The following LCLAT1 variants were observed in gnomAD, a reference collection of about 807,000 sequenced individuals.
The protein encoded by LCLAT1 is 1-AGP acyltransferase 8.
In LCLAT1, 11 loss-of-function variants were observed where a neutral mutation model predicts 30.7. The observed-to-expected ratio is 0.36, with a 90% CI of 0.23 to 0.59. The LOEUF is 0.59. Among genes scored for constraint, LCLAT1 ranks in the 20% least tolerant of loss-of-function variants. LCLAT1 has a pLI of 0.77. For synonymous variants in LCLAT1, 155 were observed against 151.3 expected, an observed-to-expected ratio of 1.02 and a Z score of -0.18; for missense variants, 402 against 458.6, an observed-to-expected ratio of 0.88 and a Z score of 1.13.
chr2:30,639,035 T>C (rs1457253584), intron 5 of LCLAT1, among the ~76,000 whole-genome samples: 4 of 152,208 alleles, frequency 2.6e-5, no homozygotes, highest in Non-Finnish European at 1.5e-5. Flanking sequence ...ATGAAACATA[T>C]GGGTTCCTTC....
At chr2:30,470,615 C>A (rs1044846086) in intron 1 of LCLAT1, among the ~76,000 whole-genome samples, 2 of 152,218 alleles carry the variant, frequency 1.3e-5, no homozygotes, top group African/African-American at 4.8e-5. Flanking sequence ...GGTTTTCTCA[C>A]TGTTATAATT....
rs896815417 is a variant in LCLAT1, at chr2:30,535,829, A to G, written c.364+2515A>G. On this transcript the variant is annotated intron_variant, in intron 3 of 5. Coordinates refer to ENST00000379509, the MANE Select transcript of LCLAT1 (RefSeq NM_001002257.3). Reference sequence around the variant, plus strand: ...ATATACCCCAAAGTAAAGGAAGCCTATCAAATGCCTGAAAAGGAACTCAAA... The same window carrying G: ...ATATACCCCAAAGTAAAGGAAGCCTGTCAAATGCCTGAAAAGGAACTCAAA... Among the ~76,000 whole-genome samples the G allele has an allele frequency of 2.6e-5, 4 of 152,286 alleles. No homozygotes were observed. The East Asian group carries it at 7.7e-4, about 29-fold the overall frequency.
In LCLAT1 at chr2:30,624,324, G is replaced by A. The variant is rs150420760; in HGVS notation, c.629-15793G>A. On this transcript the variant is annotated intron_variant, in intron 5 of 5. Transcript: ENST00000379509. ...TGCTCCACTTAAAAAATACAGAATG[G>A]CAGAATGGATAACAATTCACCAACC... 9.1e-3 allele frequency among the ~76,000 whole-genome samples: 1,386 copies of A among 152,226 alleles called. 25 individuals carry two copies. The highest frequency in any genetic ancestry group is 0.032 in the African/African-American group (1,338 of 41,516).
In LCLAT1 at chr2:30,642,408, T is replaced by TC. The variant is rs1669365879; in HGVS notation, c.*1789_*1790insC. On this transcript the variant is annotated 3_prime_UTR_variant, in exon 6 of 6. Transcript: ENST00000379509. ...TTTTTTCTTTTTCTTTTCTTTTTTT[T>TC]TTTTTTTTTTTAAAAAAGCACCTTT... The TC allele has an allele frequency of 4.2e-5, 6 of 142,816 alleles. No individual in the cohort carries two copies. The highest frequency in any genetic ancestry group is 1.4e-4 in the African/African-American group (5 of 36,140). 8.8% of individuals were successfully genotyped at this position (142,816 alleles called of 1,614,324 possible).
chr2:30,619,609 G>C (rs1243221474), intron 5 of LCLAT1, among the ~76,000 whole-genome samples: 1 of 152,106 alleles, frequency 6.6e-6, no homozygotes, highest in African/African-American at 2.4e-5. Flanking sequence ...TGAAAAACTG[G>C]GCTGAATTAG....
At chr2:30,450,223 ACTT>A (rs761302517) in intron 1 of LCLAT1, among the ~76,000 whole-genome samples, 27 of 152,252 alleles carry the variant, frequency 1.8e-4, no homozygotes, top group Non-Finnish European at 3.2e-4. Flanking sequence ...GGGAACAGTT[ACTT>A]CTTCTGGGAT....
intron 5 of LCLAT1, among the ~76,000 whole-genome samples, chr2:30,571,824 T>C (rs1053411224): frequency 1.3e-5 from 2 of 152,216 alleles, no homozygotes; most frequent in African/African-American, 4.8e-5. Flanking sequence ...CTTTTGACAT[T>C]TGCTAGAATA....
chr2:30,575,283 T>C (rs1558530155), intron 5 of LCLAT1, among the ~76,000 whole-genome samples: 1 of 152,104 alleles, frequency 6.6e-6, no homozygotes, highest in Non-Finnish European at 1.5e-5. Flanking sequence ...TCTCTCTCAT[T>C]GGACTTGAGC....
chr2:30,558,860 A>T (rs1665063340), intron 3 of LCLAT1, among the ~76,000 whole-genome samples: 1 of 152,186 alleles, frequency 6.6e-6, no homozygotes, highest in African/African-American at 2.4e-5. Context: ...CTGGTTATCT[A>T]CTTAGCAGAA....
At chr2:30,604,332 C>CAGCTGTCT (rs142057677) in intron 5 of LCLAT1, among the ~76,000 whole-genome samples, 37 of 151,994 alleles carry the variant, frequency 2.4e-4, no homozygotes, top group Admixed American at 9.8e-4. Flanking sequence ...GAAGATTTGA[C>CAGCTGTCT]AGCTGTCTAG....
chr2:30,454,029 G>T (rs1681698154), intron 1 of LCLAT1, among the ~76,000 whole-genome samples: 1 of 152,184 alleles, frequency 6.6e-6, no homozygotes, highest in African/African-American at 2.4e-5. Context: ...TATAATGCCT[G>T]TTTTAATGTA....
In LCLAT1 at chr2:30,533,427, A is replaced by T. The variant is rs1484857425; in HGVS notation, c.364+113A>T. The T allele has an allele frequency of 8.5e-6, 7 of 823,110 alleles. No individual in the cohort carries two copies. In the Admixed American group the frequency reaches 1.3e-4, roughly 15 times the overall value. The allele number at this position is 823,110 out of a possible 1,614,324, so 51.0% of individuals were successfully genotyped here. A position where few individuals can be genotyped will look rare whatever the true frequency, so the allele number is the denominator to read the frequency against. ...TCCATTTTTTTCCTCACTGGGCCAAAAACAATCTCTGGTTCTTTTGTCTTT... is the reference window on the plus strand; with the variant it reads ...TCCATTTTTTTCCTCACTGGGCCAATAACAATCTCTGGTTCTTTTGTCTTT... On this transcript the variant is annotated intron_variant, in intron 3 of 5. Transcript: ENST00000379509.
At chr2:30,573,265 A>G (rs1665861528) in intron 5 of LCLAT1, among the ~76,000 whole-genome samples, 1 of 152,174 alleles carries the variant, frequency 6.6e-6, no homozygotes. Context: ...TCGCAGTGCC[A>G]TACTGGTCTG....
At chr2:30,595,878 C>T (rs772505890) in intron 5 of LCLAT1, among the ~76,000 whole-genome samples, 1 of 152,100 alleles carries the variant, frequency 6.6e-6, no homozygotes, top group Non-Finnish European at 1.5e-5. Context: ...CTCCCACTTA[C>T]AAGTGAGAAC....
At chr2:30,630,064 G>A (rs925905906) in intron 5 of LCLAT1, among the ~76,000 whole-genome samples, 4 of 152,156 alleles carry the variant, frequency 2.6e-5, no homozygotes, top group Non-Finnish European at 5.9e-5. Context: ...CTGGAGGCCA[G>A]AAGACCAAGA....
chr2:30,531,246 C>G (rs1168302051), intron 2 of LCLAT1, among the ~76,000 whole-genome samples: 2 of 152,068 alleles, frequency 1.3e-5, no homozygotes, highest in Non-Finnish European at 2.9e-5. Context: ...GCCTGGGCGA[C>G]AGAGTGAGAC....
intron 1 of LCLAT1, among the ~76,000 whole-genome samples, chr2:30,471,350 C>T (rs1381632508): frequency 3.9e-5 from 6 of 152,100 alleles, no homozygotes; most frequent in Non-Finnish European, 8.8e-5. Context: ...GCTGGAACTA[C>T]AGGTGTGTGC....
At chr2:30,553,929 A>C (rs963439288) in intron 3 of LCLAT1, among the ~76,000 whole-genome samples, 5 of 152,250 alleles carry the variant, frequency 3.3e-5, no homozygotes, top group African/African-American at 1.2e-4. Context: ...TTTTTTGAGG[A>C]TCTTAACATT....
At chr2:30,635,352 C>T (rs1403032476) in intron 5 of LCLAT1, among the ~76,000 whole-genome samples, 1 of 151,844 alleles carries the variant, frequency 6.6e-6, no homozygotes, top group Non-Finnish European at 1.5e-5. Context: ...AACACATTTT[C>T]GAGTCTCTAT....
Sources: gnomAD v4.1 joint callset for allele counts (sites outside exome capture counted in the v4.1 genomes callset) on GRCh38, gnomAD v4.1.1 for gene constraint, MANE v1.5 for transcripts, NCBI Gene and HGNC (gene_info 2026-07-23, HGNC 2026-07-21) for gene names.